The following KCNAB1 variants were observed in gnomAD, a reference collection of about 807,000 sequenced individuals.
KCNAB1 encodes the protein potassium voltage-gated channel subfamily A regulatory beta subunit 1.
Under a neutral mutation model 64.6 loss-of-function variants are expected in KCNAB1, and 35 were observed. The observed-to-expected ratio is 0.54, with a 90% CI of 0.41 to 0.72. KCNAB1 has a LOEUF of 0.72. Ranked by LOEUF, KCNAB1 falls within the 30% of genes least tolerant of loss-of-function variation. The pLI, the probability that KCNAB1 is intolerant of heterozygous loss-of-function variation, is 0.00. For missense variants in KCNAB1, 401 were observed against 512.9 expected (o/e 0.78, Z 2.11); for synonymous variants, 177 against 183.8 (o/e 0.96, Z 0.30).
intron 12 of KCNAB1, among the ~76,000 whole-genome samples, chr3:156,527,536 G>A (rs1258252973): frequency 2.0e-5 from 3 of 152,090 alleles, no homozygotes; most frequent in Non-Finnish European, 2.9e-5. Context: ...AGACAGGAAA[G>A]AACACTCTCT....
At chr3:156,333,831 A>T (rs760056346) in intron 1 of KCNAB1, among the ~76,000 whole-genome samples, 2 of 152,202 alleles carry the variant, frequency 1.3e-5, no homozygotes, top group African/African-American at 4.8e-5. Context: ...ATGTCAATGA[A>T]GTTTTAATTT....
chr3:156,388,898 G>A (rs1266784841), intron 1 of KCNAB1, among the ~76,000 whole-genome samples: 1 of 152,160 alleles, frequency 6.6e-6, no homozygotes, highest in Non-Finnish European at 1.5e-5. Context: ...CACGTCAGGG[G>A]CATTTAATGA....
At chr3:156,511,371 G>A (rs926429026) in intron 8 of KCNAB1, among the ~76,000 whole-genome samples, 1 of 152,170 alleles carries the variant, frequency 6.6e-6, no homozygotes. Context: ...CCAAAGTGCT[G>A]GGATTACAGG....
chr3:156,447,954 A>C (rs961004839), intron 2 of KCNAB1, among the ~76,000 whole-genome samples: 4 of 152,222 alleles, frequency 2.6e-5, no homozygotes, highest in African/African-American at 9.6e-5. Context: ...TTTTTGAATG[A>C]GTACGCAAGA....
At chr3:156,450,863 A>ACCCC (rs57598632) in intron 2 of KCNAB1, among the ~76,000 whole-genome samples, 3 of 100,124 alleles carry the variant, frequency 3.0e-5, no homozygotes, top group Non-Finnish European at 7.4e-5. Context: ...CCATCCACCC[A>ACCCC]CCCCCCCCCA....
intron 8 of KCNAB1, among the ~76,000 whole-genome samples, chr3:156,509,979 A>G (rs1322292602): frequency 6.6e-6 from 1 of 152,180 alleles, no homozygotes; most frequent in African/African-American, 2.4e-5. Flanking sequence ...AAGCTAAACG[A>G]ATTTTTCTCT....
chr3:156,242,699 A>G (rs1374936706), intron 1 of KCNAB1, among the ~76,000 whole-genome samples: 1 of 150,220 alleles, frequency 6.7e-6, no homozygotes, highest in Admixed American at 6.6e-5. Context: ...AAGATGCAAT[A>G]TTTTTCTCTT....
chr3:156,474,584 A>G (rs1714196745), intron 7 of KCNAB1, 150 bp from the exon 8 acceptor site: 3 of 556,152 alleles, frequency 5.4e-6, no homozygotes, highest in Admixed American at 3.1e-5. Flanking sequence ...AAAACGTTCT[A>G]GAGTCAATTA....
At chr3:156,369,800 C>T (rs1332072434) in intron 1 of KCNAB1, among the ~76,000 whole-genome samples, 2 of 152,184 alleles carry the variant, frequency 1.3e-5, no homozygotes, top group African/African-American at 4.8e-5. Context: ...ACATAAAATG[C>T]ATGTTCCAAT....
intron 1 of KCNAB1, chr3:156,143,569 G>GTTTTTTGTTTTT (rs1553807969): frequency 3.6e-6 from 1 of 281,598 alleles, no homozygotes; most frequent in African/African-American, 2.9e-5. Context: ...TTGCATTCTT[G>GTTTTTTGTTTTT]TTTTTTTTTT....
At chr3:156,471,825 A>C (rs1713923052) in intron 7 of KCNAB1, among the ~76,000 whole-genome samples, 1 of 152,274 alleles carries the variant, frequency 6.6e-6, no homozygotes, top group African/African-American at 2.4e-5. Context: ...AAATTAAAGC[A>C]TCCAGAGAGG....
intron 1 of KCNAB1, among the ~76,000 whole-genome samples, chr3:156,386,989 T>C (rs995040811): frequency 1.7e-4 from 26 of 150,860 alleles, no homozygotes; most frequent in Non-Finnish European, 3.5e-4. Context: ...GCTTGCTTTC[T>C]CTTGCTTGCT....
intron 1 of KCNAB1, among the ~76,000 whole-genome samples, chr3:156,397,554 G>T (rs1386282767): frequency 6.6e-6 from 1 of 152,126 alleles, no homozygotes; most frequent in East Asian, 1.9e-4. Context: ...AGTGCTCCCT[G>T]CCTCCTGGGA....
At chr3:156,441,456 A>G (rs1716990219) in intron 2 of KCNAB1, 1 of 152,236 alleles carries the variant, frequency 6.6e-6, no homozygotes, top group Non-Finnish European at 1.5e-5. Context: ...ATAAATAAAA[A>G]AGAAATAAAA....
At chr3:156,343,834 A>G (rs1325232963) in intron 1 of KCNAB1, among the ~76,000 whole-genome samples, 1 of 152,228 alleles carries the variant, frequency 6.6e-6, no homozygotes, top group Non-Finnish European at 1.5e-5. Flanking sequence ...AAGTTAAAGA[A>G]AGCAAAGAAC....
At chr3:156,524,700 T>C (rs1464622415) in intron 12 of KCNAB1, among the ~76,000 whole-genome samples, 1 of 124,858 alleles carries the variant, frequency 8.0e-6, no homozygotes, top group Non-Finnish European at 1.6e-5. Context: ...TAAGCCCAGA[T>C]TGCGTCACTG....
intron 1 of KCNAB1, among the ~76,000 whole-genome samples, chr3:156,274,693 TC>T (rs1719240580): frequency 6.6e-6 from 1 of 152,192 alleles, no homozygotes; most frequent in African/African-American, 2.4e-5. Context: ...ATTTAACATT[TC>T]CTGGGTTTTT....
At chr3:156,469,248 C>CTTTCT (rs1713680742) in intron 7 of KCNAB1, among the ~76,000 whole-genome samples, 8 of 72,962 alleles carry the variant, frequency 1.1e-4, no homozygotes, top group African/African-American at 4.0e-4. Context: ...TTCTTTCTTT[C>CTTTCT]TTTTTTTTTT....
intron 1 of KCNAB1, among the ~76,000 whole-genome samples, chr3:156,320,463 A>G (rs1349443443): frequency 6.6e-6 from 1 of 152,228 alleles, no homozygotes; most frequent in African/African-American, 2.4e-5. Context: ...GCTTCCTTGG[A>G]ATTGAGAAAG....
Sources: allele counts gnomAD v4.1 joint callset (sites outside exome capture counted in the v4.1 genomes callset), GRCh38; gene constraint gnomAD v4.1.1; transcripts MANE v1.5; gene names NCBI Gene and HGNC (gene_info 2026-07-23, HGNC 2026-07-21).